The following SHOC1 variants were observed in gnomAD, a reference collection of about 807,000 sequenced individuals.
The protein encoded by SHOC1 is shortage in chiasmata 1.
A neutral mutation model predicts 179.2 loss-of-function variants in SHOC1; 136 were observed. That is an observed-to-expected ratio of 0.76 (90% CI 0.66 to 0.87). The LOEUF (loss-of-function observed/expected upper bound fraction) is 0.87. SHOC1 is among the 40% of genes least tolerant of loss of function. The probability of loss-of-function intolerance (pLI) is 0.00; values close to 1 mark genes in which losing one functional copy is unlikely to be tolerated. For synonymous variants in SHOC1, 489 were observed against 586.6 expected (o/e 0.83, Z 2.41); for missense variants, 1,538 against 1,700.8 (o/e 0.90, Z 1.68).
intron 21 of SHOC1, 68 bp from the exon 22 acceptor site, chr9:111,704,060 T>C (rs1176078108): frequency 1.3e-6 from 1 of 747,144 alleles, no homozygotes; most frequent in Non-Finnish European, 2.2e-6. Context: ...AAAGTTGTAG[T>C]TCCCTCCTGC....
chr9:111,768,263 T>C (rs540950796), intron 5 of SHOC1, among the ~76,000 whole-genome samples: 1 of 151,712 alleles, frequency 6.6e-6, no homozygotes, highest in Non-Finnish European at 1.5e-5. Flanking sequence ...TCTTACTCTG[T>C]CACCCAGGCT....
In SHOC1 at chr9:111,700,063, T is replaced by C; in HGVS notation, c.3090-16A>G. ...AAGCAGATACCTACAAAGAATTATA[T>C]TACTATATTTCTATTCATTTGATAT... is the stretch of plus-strand genomic sequence containing the variant. On this transcript the variant is annotated splice_polypyrimidine_tract_variant and intron_variant, in intron 23 of 27. Transcript: ENST00000682961. 1.6e-6 allele frequency: 2 copies of C among 1,221,128 alleles called. No homozygotes were observed. Among genetic ancestry groups the C allele is most frequent in the East Asian group, 2.3e-5 (1 of 42,562 alleles). The allele number at this position is 1,221,128 out of a possible 1,614,324, so 75.6% of individuals were successfully genotyped here.
intron 18 of SHOC1, 144 bp from the exon 19 acceptor site, chr9:111,708,068 T>C: frequency 2.1e-6 from 1 of 470,090 alleles, no homozygotes; most frequent in Non-Finnish European, 3.6e-6. Context: ...ATTATTTTTC[T>C]AAGTTTAGCA....
At chr9:111,750,196 T>C (rs989172484) in intron 8 of SHOC1, among the ~76,000 whole-genome samples, 3 of 152,216 alleles carry the variant, frequency 2.0e-5, no homozygotes, top group African/African-American at 7.2e-5. Flanking sequence ...CAACATCTAT[T>C]GTTTTTTTAC....
At chr9:111,705,434 T>TTA (rs1832222313) in intron 20 of SHOC1, 70 bp from the exon 21 acceptor site, 5 of 677,982 alleles carry the variant, frequency 7.4e-6, no homozygotes, top group Admixed American at 6.0e-5. Flanking sequence ...TTTTTTTTTT[T>TTA]ACTAAACATG....
At chr9:111,758,969 T>C in intron 5 of SHOC1, 121 bp from the exon 6 acceptor site, 1 of 842,852 alleles carries the variant, frequency 1.2e-6, no homozygotes. Context: ...CATTTTAAAC[T>C]CTGTAGCTCT....
chr9:111,738,388 T>A lies in SHOC1; in HGVS notation c.1309A>T (p.Met437Leu), dbSNP rs760235101. The A allele has an allele frequency of 1.4e-5, 23 of 1,613,290 alleles. No individual in the cohort carries two copies. The highest frequency in any genetic ancestry group is 3.4e-6 in the Non-Finnish European group (4 of 1,179,784). ...TTCAGATGTTCCAATGTTTCCATCATTTTCAGATTTAGTCCTGCTTGTTTC... is the reference window on the plus strand; with the variant it reads ...TTCAGATGTTCCAATGTTTCCATCAATTTCAGATTTAGTCCTGCTTGTTTC... The part of the protein sequence containing the change: ...WWKQAGLNLK[M>L]METLEHLNTY... Residue 437 changes from methionine to leucine, a missense_variant, in exon 12 of 28, where the codon ATG (methionine) becomes TTG (leucine). By Grantham distance (15) the Met-to-Leu change is conservative. Transcript: ENST00000682961.
intron 2 of SHOC1, among the ~76,000 whole-genome samples, chr9:111,786,853 T>C (rs1384929205): frequency 1.3e-5 from 2 of 152,230 alleles, no homozygotes; most frequent in Non-Finnish European, 2.9e-5. Context: ...TCAATGTCTG[T>C]GTTCAAACTT....
At chr9:111,717,011 A>T (rs928878107) in intron 16 of SHOC1, among the ~76,000 whole-genome samples, 1 of 152,162 alleles carries the variant, frequency 6.6e-6, no homozygotes, top group African/African-American at 2.4e-5. Flanking sequence ...TCTATAATAG[A>T]TTGCTAGCTC....
intron 5 of SHOC1, among the ~76,000 whole-genome samples, chr9:111,768,228 A>ATT (rs34176159): frequency 4.3e-4 from 62 of 142,668 alleles, no homozygotes; most frequent in Non-Finnish European, 6.8e-4. Flanking sequence ...TGTATGTTAA[A>ATT]TTTTTTTTTT....
intron 11 of SHOC1, 118 bp downstream of exon 11, chr9:111,741,358 G>A (rs994757728): frequency 3.6e-6 from 2 of 559,652 alleles, no homozygotes; most frequent in Non-Finnish European, 6.4e-6. Context: ...TTTAGCTTTA[G>A]GCGAAGTTAT....
At chr9:111,723,671 T>A in intron 14 of SHOC1, 121 bp downstream of exon 14, 1 of 1,012,300 alleles carries the variant, frequency 9.9e-7, no homozygotes, top group Non-Finnish European at 1.5e-6. Context: ...AGGAGTGGAA[T>A]GAAGAAATAT....
chr9:111,727,406 G>C (rs921497968), intron 13 of SHOC1, among the ~76,000 whole-genome samples: 1 of 152,126 alleles, frequency 6.6e-6, no homozygotes, highest in Admixed American at 6.5e-5. Context: ...AAATTCAAAT[G>C]CATTTTTAGA....
At chr9:111,759,578 G>A (rs1589450986) in intron 5 of SHOC1, 1 of 1,089,600 alleles carries the variant, frequency 9.2e-7, no homozygotes, top group Non-Finnish European at 1.1e-6. Context: ...ACATAAACTT[G>A]CCCCCAATTC....
Position 111,735,635 on chromosome 9 carries a change from C to T in SHOC1, c.1417+2645G>A, listed in dbSNP as rs543367917. Among the ~76,000 whole-genome samples the T allele has an allele frequency of 1.1e-4, 16 of 152,116 alleles. No homozygotes were observed. In the South Asian group the frequency reaches 1.5e-3, roughly 14 times the overall value. ...AAGTCTTTGCTATTGTGAATAGTGC[C>T]GCAATGAACATACGTGTGCATGTGT... On this transcript the variant is annotated intron_variant, in intron 12 of 27. Coordinates refer to ENST00000682961, the MANE Select transcript of SHOC1 (RefSeq NM_001378211.1).
At chr9:111,733,249 G>A (rs1833669562) in intron 12 of SHOC1, among the ~76,000 whole-genome samples, 1 of 152,132 alleles carries the variant, frequency 6.6e-6, no homozygotes, top group Admixed American at 6.6e-5. Context: ...TGCTTGTATA[G>A]ATGAACTTTG....
chr9:111,794,372 T>G (rs1208758237), intron 1 of SHOC1, among the ~76,000 whole-genome samples: 1 of 151,038 alleles, frequency 6.6e-6, no homozygotes, highest in Non-Finnish European at 1.5e-5. Context: ...TCACTTGAGG[T>G]CAGGAGTTCG....
At chr9:111,697,911 T>C (rs1167683912) in intron 24 of SHOC1, among the ~76,000 whole-genome samples, 1 of 152,202 alleles carries the variant, frequency 6.6e-6, no homozygotes, top group African/African-American at 2.4e-5. Context: ...TATCTCATTG[T>C]GGTTTTGATT....
intron 23 of SHOC1, 91 bp downstream of exon 23, chr9:111,702,014 G>A: frequency 2.2e-6 from 2 of 894,668 alleles, no homozygotes; most frequent in South Asian, 4.2e-5. Context: ...AGATGAGCAT[G>A]CAGAAAATTG....
Sources: gnomAD v4.1 joint callset for allele counts (sites outside exome capture counted in the v4.1 genomes callset) on GRCh38, gnomAD v4.1.1 for gene constraint, MANE v1.5 for transcripts, NCBI Gene and HGNC (gene_info 2026-07-23, HGNC 2026-07-21) for gene names.